Variants in MYCBP2 observed in about 807,000 individuals in gnomAD.
The protein encoded by MYCBP2 is MYC binding protein 2, also known as E3 ubiquitin-protein ligase MYCBP2.
In MYCBP2, 120 loss-of-function variants were observed where a neutral mutation model predicts 525.3. The ratio of observed to expected loss-of-function variants is 0.23; its 90% confidence interval spans 0.20 to 0.27. MYCBP2 has a LOEUF of 0.27. Ranked by LOEUF, MYCBP2 falls within the 10% of genes least tolerant of loss-of-function variation. MYCBP2 has a pLI of 1.00. For synonymous variants in MYCBP2, 1,894 were observed against 1,955.8 expected (o/e 0.97, Z 0.83); for missense variants, 4,149 against 5,657.1 (o/e 0.73, Z 8.55).
At position 77,062,600 on chromosome 13, in the gene MYCBP2, T is replaced by C. The variant is rs1185393642; in HGVS notation, c.12770A>G (p.Gln4257Arg). The change falls in exon 74 of 83, where the codon CAA becomes CGA. Residue 4257 changes from glutamine to arginine, a missense_variant. By Grantham distance (43) the Gln-to-Arg change is conservative (BLOSUM62 1). This residue lies in a region of MYCBP2 where 220 missense variants were observed against 396.0 expected (regional missense o/e 0.56). Transcript: ENST00000544440. ...RWMGKDGQQKQMPMCDNHDDG... is the reference protein window; with the variant it reads ...RWMGKDGQQKRMPMCDNHDDG... Reference sequence around the variant, plus strand: ...CTTACAAAATTCTGATCTTACCATTTGTTTTTGTTGTCCATCCTTTCCCAT... The same window carrying C: ...CTTACAAAATTCTGATCTTACCATTCGTTTTTGTTGTCCATCCTTTCCCAT... The C allele has an allele frequency of 6.2e-7, 1 of 1,613,254 alleles. No homozygotes were observed. Among genetic ancestry groups the C allele is most frequent in the Non-Finnish European group, 8.5e-7 (1 of 1,179,310 alleles).
chr13:77,056,009 T>C (rs748691621), intron 79 of MYCBP2, among the ~76,000 whole-genome samples: 3 of 152,220 alleles, frequency 2.0e-5, no homozygotes, highest in Non-Finnish European at 1.5e-5. Context: ...TAGCTTTATA[T>C]TTCCTGCGTC....
At chr13:77,223,509 T>G (rs2065868307) in intron 20 of MYCBP2, among the ~76,000 whole-genome samples, 1 of 152,172 alleles carries the variant, frequency 6.6e-6, no homozygotes, top group South Asian at 2.1e-4. Context: ...TCTGACTGCA[T>G]TACGTAGAAT....
intron 24 of MYCBP2, among the ~76,000 whole-genome samples, chr13:77,206,255 A>C (rs1229240608): frequency 6.6e-6 from 1 of 151,474 alleles, no homozygotes; most frequent in Non-Finnish European, 1.5e-5. Context: ...TGCTGTGGAA[A>C]ACTGTGTTAT....
chr13:77,273,237 G>C (rs2075111141), intron 5 of MYCBP2, among the ~76,000 whole-genome samples: 1 of 152,184 alleles, frequency 6.6e-6, no homozygotes, highest in South Asian at 2.1e-4. Context: ...TTAAGGCAAA[G>C]ACCAGCTTAA....
chr13:77,107,081 G>C (rs1482430027), intron 55 of MYCBP2, among the ~76,000 whole-genome samples: 2 of 152,056 alleles, frequency 1.3e-5, no homozygotes, highest in Non-Finnish European at 2.9e-5. Flanking sequence ...CAAACAATAA[G>C]ATTTTGCCAC....
At chr13:77,140,672 A>T (rs1333430807) in intron 50 of MYCBP2, among the ~76,000 whole-genome samples, 174 bp downstream of exon 50, 1 of 152,248 alleles carries the variant, frequency 6.6e-6, no homozygotes, top group Non-Finnish European at 1.5e-5. Flanking sequence ...AAAGAAGTAC[A>T]CATGCTACAA....
intron 20 of MYCBP2, among the ~76,000 whole-genome samples, chr13:77,218,634 T>A (rs1174549255): frequency 6.6e-6 from 1 of 152,188 alleles, no homozygotes; most frequent in African/African-American, 2.4e-5. Flanking sequence ...CCCACAGAGT[T>A]CCTGTGAACA....
At position 77,187,813 on chromosome 13, in the gene MYCBP2, G is replaced by A. The variant is rs1478413373; in HGVS notation, c.4251+1138C>T. Among the ~76,000 whole-genome samples, 10 of 151,984 alleles carry A rather than the reference G, an allele frequency of 6.6e-5. No individual in the cohort carries two copies. The East Asian group carries it at 7.7e-4, about 12-fold the overall frequency. On this transcript the variant is annotated intron_variant, in intron 30 of 82. Coordinates refer to ENST00000544440, the MANE Select transcript of MYCBP2 (RefSeq NM_015057.5). ...TGTAATCCCAGCACTTTGGGAGGCC[G>A]AGGCGGGTGGGTCATGAGGTCAGGG... is the stretch of plus-strand genomic sequence containing the variant.
chr13:77,324,081 T>C (rs1236822192), intron 1 of MYCBP2, among the ~76,000 whole-genome samples: 1 of 152,296 alleles, frequency 6.6e-6, no homozygotes, highest in Admixed American at 6.5e-5. Context: ...TGAAATCCCC[T>C]TGAGTTACCA....
In MYCBP2 at chr13:77,167,016, CACACACA is replaced by C. The variant is rs1566781173; in HGVS notation, c.6115-469_6115-463del. 9.9e-5 allele frequency among the ~76,000 whole-genome samples: 14 copies of C among 141,018 alleles called. No homozygotes were observed. The East Asian group carries it at 1.2e-3, about 12-fold the overall frequency. 92.5% of individuals were successfully genotyped at this position (141,018 alleles called of 152,430 possible). On this transcript the variant is annotated intron_variant, in intron 40 of 82. Coordinates refer to ENST00000544440, the MANE Select transcript of MYCBP2 (RefSeq NM_015057.5). ...ACACACACACACACACACACACACA[CACACACA>C]CACCAAATGAAATAATTTAATGATT...
intron 82 of MYCBP2, among the ~76,000 whole-genome samples, chr13:77,045,726 T>C (rs1350438311): frequency 6.6e-6 from 1 of 152,332 alleles, no homozygotes; most frequent in East Asian, 1.9e-4. Context: ...TTACTCACTA[T>C]ATCCTGCCTA....
intron 55 of MYCBP2, among the ~76,000 whole-genome samples, chr13:77,104,640 AT>A (rs1414814040): frequency 2.0e-5 from 3 of 152,128 alleles, no homozygotes; most frequent in Non-Finnish European, 4.4e-5. Flanking sequence ...GGCAGGAAAT[AT>A]CCGGCAGGCA....
At chr13:77,251,578 A>G (rs1336266113) in intron 14 of MYCBP2, among the ~76,000 whole-genome samples, 1 of 152,204 alleles carries the variant, frequency 6.6e-6, no homozygotes. Flanking sequence ...GCTATTGTCA[A>G]ATGTCTCTTG....
intron 3 of MYCBP2, among the ~76,000 whole-genome samples, chr13:77,287,102 T>C (rs2076939623): frequency 6.6e-6 from 1 of 151,260 alleles, no homozygotes; most frequent in Non-Finnish European, 1.5e-5. Context: ...TTAGCCAGGA[T>C]GGTCTCGATC....
chr13:77,087,377 T>C, intron 62 of MYCBP2, 107 bp downstream of exon 62: 1 of 1,008,698 alleles, frequency 9.9e-7, no homozygotes, highest in Non-Finnish European at 1.5e-6. Context: ...TTCTTTTTGC[T>C]TTCAAGTTAG....
intron 35 of MYCBP2, among the ~76,000 whole-genome samples, chr13:77,177,093 T>C (rs1198955425): frequency 3.3e-5 from 5 of 151,774 alleles, no homozygotes; most frequent in Non-Finnish European, 4.4e-5. Flanking sequence ...AATCACCCAT[T>C]AGTACTCTAT....
chr13:77,068,560 G>C lies in MYCBP2; in HGVS notation c.12171+5C>G, dbSNP rs1391498004. On this transcript the variant is annotated splice_donor_5th_base_variant and intron_variant, in intron 70 of 82. Transcript: ENST00000544440. ...CAATGGAAAGGCTGTAGTGTGATCA[G>C]TCACCTGTCTCTGGACTCTAGGAGA... 6.2e-7 allele frequency: 1 copy of C among 1,613,722 alleles called. No individual in the cohort carries two copies. The highest frequency in any genetic ancestry group is 8.5e-7 in the Non-Finnish European group (1 of 1,179,800).
chr13:77,204,106 G>A (rs1364066406), intron 26 of MYCBP2, among the ~76,000 whole-genome samples: 1 of 149,850 alleles, frequency 6.7e-6, no homozygotes, highest in Non-Finnish European at 1.5e-5. Context: ...AGAGTGAACA[G>A]GCAACCTACA....
Position 77,098,799 on chromosome 13 carries a change from A to C in MYCBP2, c.8355T>G (p.Ser2785Arg), listed in dbSNP as rs537573299. 1 of 1,613,604 alleles carries C rather than the reference A, an allele frequency of 6.2e-7. No individual in the cohort carries two copies. Among genetic ancestry groups the C allele is most frequent in the South Asian group, 1.1e-5 (1 of 91,058 alleles). ...DAAKLRSDSH[S>R]RSLSPNHNTL... ...TGTTATGGTTGGGGGATAATGACCTACTGTGGGAATCTGACCTCAACTTTG... is the reference window on the plus strand; with the variant it reads ...TGTTATGGTTGGGGGATAATGACCTCCTGTGGGAATCTGACCTCAACTTTG... Residue 2785 changes from serine (S) to arginine (R), a missense_variant, in exon 56 of 83, where the codon AGT (serine) becomes AGG (arginine). Physicochemically the swap from Ser to Arg is moderately radical, Grantham distance 110. This residue lies in a region of MYCBP2 where 653 missense variants were observed against 744.7 expected (regional missense o/e 0.88). Transcript: ENST00000544440.
Sources: allele counts gnomAD v4.1 joint callset (sites outside exome capture counted in the v4.1 genomes callset), GRCh38; gene constraint gnomAD v4.1.1; regional missense constraint gnomAD v4.1.1; transcripts MANE v1.5; gene names NCBI Gene and HGNC (gene_info 2026-07-23, HGNC 2026-07-21).